ZFHX3: variants seen among roughly 807,000 people sequenced by gnomAD.
ZFHX3 encodes the protein zinc finger homeobox protein 3.
In ZFHX3, 42 loss-of-function variants were observed where a neutral mutation model predicts 279.1. That is an observed-to-expected ratio of 0.15 (90% confidence interval 0.12 to 0.19). The LOEUF (loss-of-function observed/expected upper bound fraction) is 0.19. Ranked by LOEUF, ZFHX3 falls within the 10% of genes least tolerant of loss-of-function variation. The pLI, the probability that ZFHX3 is intolerant of heterozygous loss-of-function variation, is 1.00. For missense variants in ZFHX3, 4,981 were observed against 4,754.0 expected, an observed-to-expected ratio of 1.05 and a Z score of -1.40; for synonymous variants, 2,293 against 1,957.8, an observed-to-expected ratio of 1.17 and a Z score of -4.52.
chr16:72,810,495 CTT>C (rs2036413300), intron 7 of ZFHX3, among the ~76,000 whole-genome samples: 1 of 152,202 alleles, frequency 6.6e-6, no homozygotes, highest in Non-Finnish European at 1.5e-5. Flanking sequence ...CAGGAAATGA[CTT>C]TCATAGCAGC....
chr16:73,865,732 C>T (rs1029466571), intron 1 of ZFHX3, among the ~76,000 whole-genome samples: 5 of 151,932 alleles, frequency 3.3e-5, no homozygotes, highest in African/African-American at 1.2e-4. Context: ...GTAATCCCAG[C>T]ACTTTGAGAG....
chr16:73,792,694 G>T (rs372116267), intron 1 of ZFHX3, among the ~76,000 whole-genome samples: 2 of 152,172 alleles, frequency 1.3e-5, no homozygotes, highest in African/African-American at 4.8e-5. Context: ...CAGCATGAAC[G>T]AATGGAGAAT....
chr16:73,832,386 T>C (rs928248454), intron 1 of ZFHX3, among the ~76,000 whole-genome samples: 16 of 152,140 alleles, frequency 1.1e-4, no homozygotes, highest in African/African-American at 3.9e-4. Context: ...AATGGTCACC[T>C]AGTAGCTTAA....
chr16:73,817,880 T>C (rs920986649), intron 1 of ZFHX3, among the ~76,000 whole-genome samples: 3 of 152,218 alleles, frequency 2.0e-5, no homozygotes, highest in Admixed American at 6.5e-5. Flanking sequence ...ATTTATGAGT[T>C]GATCATTTGT....
chr16:73,147,892 C>G (rs531085796), intron 5 of ZFHX3, among the ~76,000 whole-genome samples: 1 of 151,940 alleles, frequency 6.6e-6, no homozygotes, highest in Non-Finnish European at 1.5e-5. Context: ...ATAAAAAAAC[C>G]CATAGCCCGG....
intron 2 of ZFHX3, among the ~76,000 whole-genome samples, chr16:73,567,126 G>A (rs368570574): frequency 2.6e-5 from 4 of 152,132 alleles, no homozygotes; most frequent in African/African-American, 7.2e-5. Flanking sequence ...TGGGATTACC[G>A]ATGGGTCCCT....
At chr16:73,575,239 A>G (rs1188583533) in intron 2 of ZFHX3, among the ~76,000 whole-genome samples, 1 of 152,214 alleles carries the variant, frequency 6.6e-6, no homozygotes, top group Admixed American at 6.5e-5. Flanking sequence ...CAGGATTCCA[A>G]CTAATTTGTC....
chr16:73,517,607 G>C (rs2019544564), intron 2 of ZFHX3, among the ~76,000 whole-genome samples: 1 of 152,202 alleles, frequency 6.6e-6, no homozygotes, highest in South Asian at 2.1e-4. Flanking sequence ...ATGAGGAACT[G>C]TAGGAAAAAT....
chr16:72,802,662 C>T (rs1176098718), intron 7 of ZFHX3, among the ~76,000 whole-genome samples: 1 of 152,114 alleles, frequency 6.6e-6, no homozygotes, highest in Non-Finnish European at 1.5e-5. Flanking sequence ...ATTCAGGTGG[C>T]GTCTGTCTGT....
chr16:72,811,717 C>A lies in ZFHX3; in HGVS notation c.3724G>T (p.Ala1242Ser), dbSNP rs777970725. The change falls in exon 7 of 10, where the codon GCC becomes TCC. Residue 1242 changes from alanine to serine, a missense_variant. Ala to Ser is a moderately conservative substitution (Grantham distance 99, BLOSUM62 1). Coordinates refer to ENST00000268489, the MANE Select transcript of ZFHX3 (RefSeq NM_006885.4). ...NADVNRLRVH[A>S]MTQHSVQPML... ...GGTTGCACCGAGTGCTGCGTCATGGCATGCACCCGGAGCCGGTTGACATCG... is the reference window on the plus strand; with the variant it reads ...GGTTGCACCGAGTGCTGCGTCATGGAATGCACCCGGAGCCGGTTGACATCG... 3.3e-5 allele frequency: 54 copies of A among 1,613,962 alleles called. No individual in the cohort carries two copies. The highest frequency in any genetic ancestry group is 4.5e-5 in the Non-Finnish European group (53 of 1,180,016).
At chr16:73,554,679 T>C (rs2020248137) in intron 2 of ZFHX3, 1 of 152,192 alleles carries the variant, frequency 6.6e-6, no homozygotes. Flanking sequence ...GAGTTTCATC[T>C]TCAGCCCGTT....
At chr16:73,553,648 G>C (rs1462455675) in intron 2 of ZFHX3, among the ~76,000 whole-genome samples, 1 of 152,162 alleles carries the variant, frequency 6.6e-6, no homozygotes, top group Non-Finnish European at 1.5e-5. Context: ...GGACAGCATA[G>C]ACTGGTCATG....
chr16:73,728,021 C>CCT lies in ZFHX3; in HGVS notation c.-1607-47782_-1607-47781insAG, dbSNP rs1555535441. Among the ~76,000 whole-genome samples the CCT allele has an allele frequency of 5.0e-5, 5 of 100,396 alleles. 2 individuals carry two copies. The East Asian group carries it at 1.2e-3, about 24-fold the overall frequency. The allele number at this position is 100,396 out of a possible 152,430, so 65.9% of individuals were successfully genotyped here. A position where few individuals can be genotyped will look rare whatever the true frequency, so the allele number is the denominator to read the frequency against. Reference sequence around the variant, plus strand: ...CTTTTATGAGCCGAATTGTGCCCCCCCCCCGCCCCCAATAATTCATATGTT... The same window carrying CCT: ...CTTTTATGAGCCGAATTGTGCCCCCCCTCCCCGCCCCCAATAATTCATATGTT... On this transcript the variant is annotated intron_variant, in intron 1 of 17. Transcript: ENST00000641206.
intron 5 of ZFHX3, among the ~76,000 whole-genome samples, chr16:73,168,211 T>TTTTCTTTCTCTTTC (rs1967424271): frequency 1.1e-5 from 1 of 95,222 alleles, no homozygotes; most frequent in African/African-American, 4.0e-5. Flanking sequence ...GTTTCTTTTG[T>TTTTCTTTCTCTTTC]TTTCTTTCTT....
At chr16:73,132,763 C>T (rs751479084) in intron 6 of ZFHX3, among the ~76,000 whole-genome samples, 3 of 152,148 alleles carry the variant, frequency 2.0e-5, no homozygotes, top group Non-Finnish European at 2.9e-5. Context: ...TTTGATTAAT[C>T]GTGTCACAGT....
intron 1 of ZFHX3, among the ~76,000 whole-genome samples, chr16:73,767,373 T>C (rs2053962161): frequency 6.6e-6 from 1 of 152,100 alleles, no homozygotes. Flanking sequence ...TAAGGTAAAA[T>C]TATTTGGATT....
chr16:73,846,715 C>T (rs1195870348), intron 1 of ZFHX3, among the ~76,000 whole-genome samples: 1 of 152,070 alleles, frequency 6.6e-6, no homozygotes, highest in African/African-American at 2.4e-5. Flanking sequence ...GAAGCTCAGG[C>T]CTCTCATTCT....
At chr16:73,507,892 G>A (rs941180732) in intron 2 of ZFHX3, among the ~76,000 whole-genome samples, 1 of 152,156 alleles carries the variant, frequency 6.6e-6, no homozygotes, top group African/African-American at 2.4e-5. Context: ...ATTATAATGA[G>A]TTTGCACAAT....
chr16:73,419,576 C>T (rs1020757055), intron 3 of ZFHX3, among the ~76,000 whole-genome samples: 5 of 152,058 alleles, frequency 3.3e-5, no homozygotes, highest in Non-Finnish European at 1.5e-5. Context: ...GTGGTTCCCT[C>T]AGTCTTCCCA....
Sources: gnomAD v4.1 joint callset for allele counts (sites outside exome capture counted in the v4.1 genomes callset) on GRCh38, gnomAD v4.1.1 for gene constraint, MANE v1.5 for transcripts, NCBI Gene and HGNC (gene_info 2026-07-23, HGNC 2026-07-21) for gene names.